The following OFD1 variants were observed in gnomAD, a reference collection of about 807,000 sequenced individuals.
The protein encoded by OFD1 is OFD1 centriole and centriolar satellite protein, also known as centriole and centriolar satellite protein OFD1.
Under a neutral mutation model 81.4 loss-of-function variants are expected in OFD1, and 12 were observed. The observed-to-expected ratio is 0.15, with a 90% CI of 0.09 to 0.24. The LOEUF is 0.24. Ranked by LOEUF, OFD1 falls within the 10% of genes least tolerant of loss-of-function variation. The pLI is 1.00. For missense variants in OFD1, 685 were observed against 733.9 expected, an observed-to-expected ratio of 0.93 and a Z score of 0.77; for synonymous variants, 256 against 263.7, an observed-to-expected ratio of 0.97 and a Z score of 0.28.
the OFD1 span, among the ~76,000 whole-genome samples, chrX:13,718,893 T>TGTA: frequency 9.0e-6 from 1 of 111,575 alleles, no homozygotes; most frequent in Non-Finnish European, 1.9e-5. Context: ...TAGTGGCTCA[T>TGTA]GTCTGCAATC....
Position 13,734,889 on chromosome X carries a change from A to G in OFD1, c.-183A>G, listed in dbSNP as rs1168430066. 1 of 1,084,351 alleles carries G rather than the reference A, an allele frequency of 9.2e-7. No individual in the cohort carries two copies. The highest frequency in any genetic ancestry group is 1.9e-5 in the African/African-American group (1 of 53,066). 89.4% of individuals were successfully genotyped at this position (1,084,351 alleles called of 1,213,427 possible). On this transcript the variant is annotated 5_prime_UTR_variant, in exon 1 of 23. Coordinates refer to ENST00000340096, the MANE Select transcript of OFD1 (RefSeq NM_003611.3). Reference sequence around the variant, plus strand: ...AAGGAAGCTCGCGTGTTTGCTAGAAAACCTAGTTGGGAGTGCGAGGCAGAG... The same window carrying G: ...AAGGAAGCTCGCGTGTTTGCTAGAAGACCTAGTTGGGAGTGCGAGGCAGAG...
At chrX:13,728,853 C>T in the OFD1 span, among the ~76,000 whole-genome samples, 1 of 111,940 alleles carries the variant, frequency 8.9e-6, no homozygotes, top group East Asian at 2.8e-4. Context: ...TAGAAAACCC[C>T]ATGGTCTCAG....
At chrX:13,759,471 G>A (rs748470503) in intron 15 of OFD1, among the ~76,000 whole-genome samples, 11 of 112,212 alleles carry the variant, frequency 9.8e-5, no homozygotes, top group African/African-American at 2.9e-4. Flanking sequence ...AGGGGCAGGT[G>A]CACTGGCTTT....
chrX:13,738,237 A>G (rs187225183), intron 3 of OFD1, among the ~76,000 whole-genome samples: 2 of 112,817 alleles, frequency 1.8e-5, no homozygotes, highest in East Asian at 5.5e-4. Context: ...ACAATTATAT[A>G]GCAGGAATTA....
intron 9 of OFD1, among the ~76,000 whole-genome samples, chrX:13,750,430 T>G (rs1017905585): frequency 8.9e-6 from 1 of 111,748 alleles, no homozygotes; most frequent in African/African-American, 3.3e-5. Context: ...GTTCTTAGAC[T>G]AGTCAGCATT....
At chrX:13,730,374 C>T (rs1003050079), upstream of OFD1, among the ~76,000 whole-genome samples, 1 of 112,210 alleles carries the variant, frequency 8.9e-6, no homozygotes, top group East Asian at 2.8e-4. Flanking sequence ...GAGATACCAT[C>T]TCACGCCAGT....
intron 19 of OFD1, among the ~76,000 whole-genome samples, chrX:13,766,498 A>T (rs1416572057): frequency 1.8e-5 from 2 of 111,396 alleles, no homozygotes; most frequent in East Asian, 5.6e-4. Flanking sequence ...AGAAATGTGG[A>T]CGCGAGGCTA....
In OFD1 at chrX:13,761,658, A is replaced by G. The variant is rs1328604958; in HGVS notation, c.2387+447A>G. On this transcript the variant is annotated intron_variant, in intron 17 of 22. Transcript: ENST00000340096. ...ATAAACAGATAAGGTTCTGACCTGC[A>G]TATCATTGAAATAAATTCAAACGTG... Among the ~76,000 whole-genome samples the G allele has an allele frequency of 2.7e-5, 3 of 112,365 alleles. No homozygotes were observed. The East Asian group carries it at 8.3e-4, about 31-fold the overall frequency.
chrX:13,767,948 A>G, intron 20 of OFD1, 106 bp from the exon 21 acceptor site: 1 of 798,646 alleles, frequency 1.3e-6, no homozygotes, highest in Non-Finnish European at 1.8e-6. Context: ...CCTCTGGCAT[A>G]CAGGCTGTAC....
chrX:13,755,492 G>A (rs773825428), intron 12 of OFD1, among the ~76,000 whole-genome samples: 11 of 111,361 alleles, frequency 9.9e-5, no homozygotes, highest in Non-Finnish European at 1.9e-4. Flanking sequence ...CTTGTGTGTC[G>A]CTAGGTAAGT....
the OFD1 span, among the ~76,000 whole-genome samples, chrX:13,728,809 T>C: frequency 4.5e-5 from 5 of 112,054 alleles, no homozygotes; most frequent in Non-Finnish European, 9.4e-5. Flanking sequence ...GGAAGTCAAG[T>C]TGTCCCTGTT....
chrX:13,757,266 TCTGCCTG>T (rs2047745156), intron 13 of OFD1, among the ~76,000 whole-genome samples: 1 of 111,929 alleles, frequency 8.9e-6, no homozygotes, highest in African/African-American at 3.2e-5. Context: ...CCATCTGCCT[TCTGCCTG>T]GATCCCAACT....
At chrX:13,734,737 G>A, upstream of OFD1, 3 of 1,024,817 alleles carry the variant, frequency 2.9e-6, no homozygotes, top group Non-Finnish European at 3.7e-6. Context: ...CAGGTTTCCG[G>A]AAGTTGCCGG....
At chrX:13,720,064 T>A in the OFD1 span, 1 of 723,760 alleles carries the variant, frequency 1.4e-6, no homozygotes, top group Non-Finnish European at 1.9e-6. Context: ...TAGAATTCTT[T>A]TTTAAATTTA....
the OFD1 span, among the ~76,000 whole-genome samples, chrX:13,728,339 C>T: frequency 8.8e-4 from 98 of 111,744 alleles, no homozygotes; most frequent in Non-Finnish European, 1.6e-3. Context: ...AACATTGATG[C>T]GAAAATCCTC....
At chrX:13,739,953 A>G in intron 5 of OFD1, 1 of 889,659 alleles carries the variant, frequency 1.1e-6, no homozygotes, top group Non-Finnish European at 1.4e-6. Flanking sequence ...TGTTAGTAAT[A>G]GTCCTTTTGT....
the OFD1 span, among the ~76,000 whole-genome samples, chrX:13,726,109 T>G: frequency 2.7e-5 from 3 of 112,011 alleles, no homozygotes; most frequent in Non-Finnish European, 5.6e-5. Flanking sequence ...TGGGACTATG[T>G]GAAAAGACCA....
the OFD1 span, among the ~76,000 whole-genome samples, chrX:13,717,188 A>C: frequency 3.6e-5 from 4 of 110,980 alleles, no homozygotes; most frequent in Non-Finnish European, 7.6e-5. Flanking sequence ...AATGGCGCTT[A>C]TAACGGCCTG....
At chrX:13,752,747 A>G (rs1042118620) in intron 10 of OFD1, 1 of 972,065 alleles carries the variant, frequency 1.0e-6, no homozygotes, top group Middle Eastern at 3.0e-4. Context: ...GGGAATCCTC[A>G]TATGACTTTG....
Sources: allele counts gnomAD v4.1 joint callset (sites outside exome capture counted in the v4.1 genomes callset), GRCh38; gene constraint gnomAD v4.1.1; transcripts MANE v1.5; gene names NCBI Gene and HGNC (gene_info 2026-07-23, HGNC 2026-07-21).